PLS1: variants seen among roughly 807,000 people sequenced by gnomAD.
PLS1 encodes plastin-1.
PLS1 carries 32 observed loss-of-function variants against 73.7 expected under a neutral mutation model. The observed-to-expected ratio is 0.43, with a 90% CI of 0.33 to 0.58. The LOEUF (loss-of-function observed/expected upper bound fraction) is 0.58. Ranked by LOEUF, PLS1 falls within the 20% of genes least tolerant of loss-of-function variation. The pLI, the probability that PLS1 is intolerant of heterozygous loss-of-function variation, is 0.04. For synonymous variants in PLS1, 217 were observed against 261.3 expected (o/e 0.83, Z 1.63); for missense variants, 633 against 740.5 (o/e 0.85, Z 1.68).
At chr3:142,632,585 A>G (rs2108589955) in intron 1 of PLS1, among the ~76,000 whole-genome samples, 1 of 144,860 alleles carries the variant, frequency 6.9e-6, no homozygotes, top group East Asian at 2.0e-4. Flanking sequence ...ATTTGAAAAA[A>G]TTTAGAGCAG....
intron 14 of PLS1, among the ~76,000 whole-genome samples, chr3:142,707,025 G>C (rs1245788012): frequency 6.6e-6 from 1 of 152,140 alleles, no homozygotes; most frequent in African/African-American, 2.4e-5. Flanking sequence ...TTGAGAAATG[G>C]GAGTGCATAA....
At chr3:142,644,155 C>A (rs886154889) in intron 1 of PLS1, among the ~76,000 whole-genome samples, 1 of 152,036 alleles carries the variant, frequency 6.6e-6, no homozygotes, top group Non-Finnish European at 1.5e-5. Context: ...AGTTATACAA[C>A]CCATGGCATA....
intron 8 of PLS1, among the ~76,000 whole-genome samples, chr3:142,685,439 T>C (rs996237183): frequency 2.6e-5 from 4 of 152,186 alleles, no homozygotes; most frequent in African/African-American, 7.2e-5. Context: ...GGTTGATGCA[T>C]CTTGGCTGGG....
intron 1 of PLS1, among the ~76,000 whole-genome samples, chr3:142,635,471 C>T (rs979571829): frequency 2.0e-5 from 3 of 150,400 alleles, no homozygotes; most frequent in South Asian, 2.1e-4. Context: ...GGCATGGTGA[C>T]GCGAGTCTGC....
intron 1 of PLS1, among the ~76,000 whole-genome samples, chr3:142,654,153 G>C (rs1468452906): frequency 2.0e-5 from 3 of 152,144 alleles, no homozygotes; most frequent in African/African-American, 7.2e-5. Context: ...AGATGACCAT[G>C]GTGGCGGCCC....
chr3:142,678,082 A>G lies in PLS1; in HGVS notation c.548A>G (p.Asn183Ser), dbSNP rs1289547952. ...GATACAATTGATGAAAGAGCCATCA[A>G]TAAGAAAAAGCTCACGCCATTCACT... is the stretch of plus-strand genomic sequence containing the variant. ...EPDTIDERAI[N>S]KKKLTPFTIS... Residue 183 changes from asparagine (N) to serine (S), a missense_variant, in exon 6 of 16, where the codon AAT becomes AGT. Transcript: ENST00000457734. 9 of 1,557,198 alleles carry G rather than the reference A, an allele frequency of 5.8e-6. No individual in the cohort carries two copies. The highest frequency in any genetic ancestry group is 4.8e-5 in the East Asian group (2 of 41,888).
chr3:142,700,357 C>G (rs1354669097), intron 12 of PLS1, among the ~76,000 whole-genome samples: 1 of 151,962 alleles, frequency 6.6e-6, no homozygotes, highest in Admixed American at 6.6e-5. Context: ...GAGTCTCGCT[C>G]TGTTGCCCAG....
In PLS1 at chr3:142,604,642, TC is replaced by T. The variant is rs1172629486; in HGVS notation, c.-37+8134del. Among the ~76,000 whole-genome samples the T allele has an allele frequency of 6.6e-5, 10 of 152,234 alleles. No homozygotes were observed. In the East Asian group the frequency reaches 1.9e-3, roughly 29 times the overall value. ...TTATCCTCAAATAGCCAAATTAAAT[TC>T]AAGATTATTGGCCAGGTGCAGTGGC... is the stretch of plus-strand genomic sequence containing the variant. On this transcript the variant is annotated intron_variant, in intron 1 of 15. Coordinates refer to ENST00000457734, the MANE Select transcript of PLS1 (RefSeq NM_001145319.2).
intron 1 of PLS1, among the ~76,000 whole-genome samples, chr3:142,625,512 T>G (rs894747791): frequency 6.6e-6 from 1 of 152,172 alleles, no homozygotes; most frequent in Non-Finnish European, 1.5e-5. Flanking sequence ...CTTCTCCTTT[T>G]CAAATGTTGG....
Position 142,703,931 on chromosome 3 carries a change from A to G in PLS1, c.1435A>G (p.Ile479Val), listed in dbSNP as rs1293396586. The G allele has an allele frequency of 6.2e-7, 1 of 1,613,140 alleles. No homozygotes were observed. The highest frequency in any genetic ancestry group is 2.2e-5 in the East Asian group (1 of 44,860). Residue 479 changes from isoleucine to valine, a missense_variant, in exon 13 of 16, where the codon ATT (isoleucine) becomes GTT (valine). Physicochemically the swap from Ile to Val is conservative, Grantham distance 29. Coordinates refer to ENST00000457734, the MANE Select transcript of PLS1 (RefSeq NM_001145319.2). ...KNKAKFSLVGIAGQDLNEGNS... is the reference protein window; with the variant it reads ...KNKAKFSLVGVAGQDLNEGNS... ...CAAGGCCAAATTCTCCTTGGTTGGC[A>G]TTGCTGGGCAGGACCTAAATGAAGG...
intron 1 of PLS1, among the ~76,000 whole-genome samples, chr3:142,622,705 T>G (rs914185140): frequency 6.6e-6 from 1 of 152,212 alleles, no homozygotes; most frequent in African/African-American, 2.4e-5. Context: ...CTCACTTAAA[T>G]GGTAGTATTG....
chr3:142,649,597 C>T (rs1230995398), intron 1 of PLS1, among the ~76,000 whole-genome samples: 7 of 151,310 alleles, frequency 4.6e-5, no homozygotes, highest in Admixed American at 1.3e-4. Flanking sequence ...GAGATCGCAC[C>T]ACTGAACTCC....
chr3:142,596,615 G>A (rs2035820310), intron 1 of PLS1, 106 bp downstream of exon 1: 1 of 152,456 alleles, frequency 6.6e-6, no homozygotes, highest in South Asian at 2.1e-4. Context: ...CAGTATCTCC[G>A]GGTCCCCTCG....
chr3:142,633,913 C>T (rs2036621393), intron 1 of PLS1, among the ~76,000 whole-genome samples: 1 of 152,050 alleles, frequency 6.6e-6, no homozygotes, highest in South Asian at 2.1e-4. Flanking sequence ...ACTTTTCAGA[C>T]AATGGCATTA....
At chr3:142,618,815 G>A (rs952773369) in intron 1 of PLS1, among the ~76,000 whole-genome samples, 7 of 152,066 alleles carry the variant, frequency 4.6e-5, no homozygotes, top group African/African-American at 1.7e-4. Flanking sequence ...GATTAGATTG[G>A]TCCTGCCCAA....
At chr3:142,617,404 A>G (rs1194079250) in intron 1 of PLS1, among the ~76,000 whole-genome samples, 1 of 152,208 alleles carries the variant, frequency 6.6e-6, no homozygotes, top group East Asian at 1.9e-4. Context: ...AGTGATCATC[A>G]TAGTAACTGA....
intron 5 of PLS1, among the ~76,000 whole-genome samples, 193 bp downstream of exon 5, chr3:142,676,482 A>G (rs1207848582): frequency 6.6e-6 from 1 of 152,216 alleles, no homozygotes; most frequent in Non-Finnish European, 1.5e-5. Context: ...CTTCAAATAC[A>G]ATCCCTTGTT....
At chr3:142,611,858 C>T (rs1292167361) in intron 1 of PLS1, among the ~76,000 whole-genome samples, 1 of 151,998 alleles carries the variant, frequency 6.6e-6, no homozygotes, top group Non-Finnish European at 1.5e-5. Context: ...TTAATTAAGC[C>T]TCCCTGAAAC....
chr3:142,600,906 ATATATATATATTTTTTTTTT>A (rs1560024511), intron 1 of PLS1, among the ~76,000 whole-genome samples: 2 of 29,600 alleles, frequency 6.8e-5, no homozygotes, highest in African/African-American at 4.9e-4. Flanking sequence ...ATATATATAT[ATATATATATATTTTTTTTTT>A]TTTTTTTTTT....
Sources: gnomAD v4.1 joint callset for allele counts (sites outside exome capture counted in the v4.1 genomes callset) on GRCh38, gnomAD v4.1.1 for gene constraint, MANE v1.5 for transcripts, NCBI Gene and HGNC (gene_info 2026-07-23, HGNC 2026-07-21) for gene names.